NFKB1: variants seen among roughly 807,000 people sequenced by gnomAD.
NFKB1 encodes the protein nuclear factor kappa B subunit 1, also known as nuclear factor NF-kappa-B p105 subunit.
NFKB1 carries 9 observed loss-of-function variants against 105.1 expected under a neutral mutation model. The ratio of observed to expected loss-of-function variants is 0.09; its 90% CI spans 0.05 to 0.15. The LOEUF (loss-of-function observed/expected upper bound fraction) is 0.15. NFKB1 is among the 10% of genes least tolerant of loss of function. The pLI, the probability that NFKB1 is intolerant of heterozygous loss-of-function variation, is 1.00. For synonymous variants in NFKB1, 440 were observed against 442.2 expected (o/e 1.00, Z 0.06); for missense variants, 830 against 1,203.7 (o/e 0.69, Z 4.59).
At chr4:102,600,320 A>C (rs1727032312) in intron 15 of NFKB1, among the ~76,000 whole-genome samples, 1 of 152,208 alleles carries the variant, frequency 6.6e-6, no homozygotes, top group South Asian at 2.1e-4. Flanking sequence ...TTGTTTCTTC[A>C]CAAGTTTACT....
intron 5 of NFKB1, among the ~76,000 whole-genome samples, chr4:102,543,035 C>T (rs567611980): frequency 6.8e-4 from 103 of 152,202 alleles, no homozygotes; most frequent in Non-Finnish European, 1.3e-3. Flanking sequence ...AATTTCATCA[C>T]GGAGCTCCTA....
At chr4:102,541,311 G>A (rs539850574) in intron 5 of NFKB1, among the ~76,000 whole-genome samples, 7 of 127,330 alleles carry the variant, frequency 5.5e-5, no homozygotes, top group East Asian at 4.3e-4. Flanking sequence ...AAGTTGTCTC[G>A]CATAGATTAC....
intron 12 of NFKB1, among the ~76,000 whole-genome samples, chr4:102,594,530 T>G (rs1480129603): frequency 6.6e-6 from 1 of 152,186 alleles, no homozygotes; most frequent in Non-Finnish European, 1.5e-5. Context: ...CTTTGTTTGA[T>G]TAAGTTTTTT....
chr4:102,543,695 A>C (rs1721904865), intron 5 of NFKB1, among the ~76,000 whole-genome samples: 1 of 151,890 alleles, frequency 6.6e-6, no homozygotes, highest in African/African-American at 2.4e-5. Flanking sequence ...AGACTACCCG[A>C]TCTGCTGTGG....
At chr4:102,612,001 C>G (rs933252302) in intron 20 of NFKB1, 43 bp from the exon 21 acceptor site, 1 of 1,515,552 alleles carries the variant, frequency 6.6e-7, no homozygotes, top group African/African-American at 1.4e-5. Flanking sequence ...CCCTAGTGGT[C>G]CCTTCGATGT....
intron 1 of NFKB1, among the ~76,000 whole-genome samples, chr4:102,505,026 G>C (rs1739337095): frequency 6.6e-6 from 1 of 152,146 alleles, no homozygotes; most frequent in South Asian, 2.1e-4. Context: ...AGAGAAAAAA[G>C]TAGTAACATT....
chr4:102,577,950 C>A, intron 7 of NFKB1: 2 of 985,396 alleles, frequency 2.0e-6, no homozygotes, highest in Non-Finnish European at 2.4e-6. Flanking sequence ...TCCGTGTCTC[C>A]GTTTTGCCTA....
At chr4:102,568,713 C>T (rs1724073554) in intron 6 of NFKB1, among the ~76,000 whole-genome samples, 2 of 152,124 alleles carry the variant, frequency 1.3e-5, no homozygotes. Flanking sequence ...AGTAATCTTT[C>T]AGGATTTTAG....
At chr4:102,610,521 T>C in intron 19 of NFKB1, 54 bp from the exon 20 acceptor site, 2 of 1,584,580 alleles carry the variant, frequency 1.3e-6, no homozygotes, top group Non-Finnish European at 1.7e-6. Flanking sequence ...TTGCAGGCAG[T>C]TGGAAGTTGA....
Position 102,617,124 on chromosome 4 carries a change from G to A in NFKB1, c.*530G>A, listed in dbSNP as rs1298490212. ...AAAAAAAAAAAAAAAAAAAATACTT[G>A]TCAATATTTAAACATGGTTACAATC... On this transcript the variant is annotated 3_prime_UTR_variant, in exon 24 of 24. Transcript: ENST00000226574. The A allele has an allele frequency of 7.9e-6, 1 of 126,664 alleles. No homozygotes were observed. Among genetic ancestry groups the A allele is most frequent in the Non-Finnish European group, 1.7e-5 (1 of 60,450 alleles). The allele number at this position is 126,664 out of a possible 1,614,324, so 7.8% of individuals were successfully genotyped here. A position where few individuals can be genotyped will look rare whatever the true frequency, so the allele number is the denominator to read the frequency against.
At chr4:102,568,000 C>T (rs1724014448) in intron 6 of NFKB1, among the ~76,000 whole-genome samples, 1 of 152,104 alleles carries the variant, frequency 6.6e-6, no homozygotes, top group South Asian at 2.1e-4. Context: ...TTTTTAAAAA[C>T]ATTTTTCAGG....
intron 6 of NFKB1, among the ~76,000 whole-genome samples, chr4:102,576,655 C>A (rs376246637): frequency 6.6e-6 from 1 of 152,158 alleles, no homozygotes; most frequent in Non-Finnish European, 1.5e-5. Flanking sequence ...GTGCCCCAGA[C>A]CTGCTTAGAG....
chr4:102,572,286 A>G (rs572847898), intron 6 of NFKB1, among the ~76,000 whole-genome samples: 77 of 140,148 alleles, frequency 5.5e-4, no homozygotes, highest in African/African-American at 1.8e-3. Flanking sequence ...TTGAACAATG[A>G]GAACACTTGG....
intron 7 of NFKB1, chr4:102,577,936 C>T (rs1323820089): frequency 2.0e-6 from 2 of 985,322 alleles, no homozygotes; most frequent in African/African-American, 3.5e-5. Flanking sequence ...TATCTTGTTG[C>T]TGCTCCGTGT....
intron 16 of NFKB1, among the ~76,000 whole-genome samples, chr4:102,604,760 C>T (rs182699560): frequency 1.9e-3 from 284 of 152,008 alleles, no homozygotes; most frequent in Non-Finnish European, 3.5e-3. Flanking sequence ...CTTATGTCCT[C>T]TTGTGGATTT....
At chr4:102,598,680 A>G (rs1242336470) in intron 15 of NFKB1, among the ~76,000 whole-genome samples, 1 of 152,240 alleles carries the variant, frequency 6.6e-6, no homozygotes, top group Non-Finnish European at 1.5e-5. Flanking sequence ...GTTAGCATTC[A>G]GTAGCATACA....
At position 102,606,527 on chromosome 4, in the gene NFKB1, A is replaced by G; in HGVS notation, c.1784A>G (p.Gln595Arg). Residue 595 changes from glutamine to arginine, a missense_variant, in exon 17 of 24, where the codon CAG (glutamine) becomes CGG (arginine). Physicochemically the swap from Gln to Arg is conservative, Grantham distance 43 (BLOSUM62 1). Transcript: ENST00000226574. ...TTGCACTTGGCAGTGATCACTAAGC[A>G]GGAAGATGTGGTGGAGGATTTGCTG... ...TPLHLAVITK[Q>R]EDVVEDLLRA... The G allele has an allele frequency of 6.2e-7, 1 of 1,614,182 alleles. No homozygotes were observed. Among genetic ancestry groups the G allele is most frequent in the Non-Finnish European group, 8.5e-7 (1 of 1,180,034 alleles).
Position 102,596,255 on chromosome 4 carries a change from G to T in NFKB1, c.1418G>T (p.Ser473Ile), listed in dbSNP as rs1178180588. ...IETTEQDQEP[S>I]EATVGNGEVT... ...ACCACAGAGCAAGATCAGGAGCCCA[G>T]CGAGGCCACCGTTGGGAATGGTGAG... Residue 473 changes from serine to isoleucine, a missense_variant, in exon 14 of 24, where the codon AGC (serine) becomes ATC (isoleucine). Ser to Ile is a moderately radical substitution (Grantham distance 142). Around this residue, in one of 8 missense-constraint regions of NFKB1, gnomAD observed 163 missense variants for 164.3 expected, o/e 0.99. Transcript: ENST00000226574. 1 of 1,613,808 alleles carries T rather than the reference G, an allele frequency of 6.2e-7. No individual in the cohort carries two copies. Among genetic ancestry groups the T allele is most frequent in the South Asian group, 1.1e-5 (1 of 91,062 alleles).
intron 5 of NFKB1, among the ~76,000 whole-genome samples, chr4:102,551,832 A>G (rs1722641358): frequency 6.6e-6 from 1 of 152,218 alleles, no homozygotes. Flanking sequence ...TTTGAATTCA[A>G]ATTAATTTTG....
Sources: gnomAD v4.1 joint callset for allele counts (sites outside exome capture counted in the v4.1 genomes callset) on GRCh38, gnomAD v4.1.1 for gene constraint, gnomAD v4.1.1 regional missense constraint, MANE v1.5 for transcripts, NCBI Gene and HGNC (gene_info 2026-07-23, HGNC 2026-07-21) for gene names.